Variants in ADAMTS3 observed in about 807,000 individuals in gnomAD.
The protein encoded by ADAMTS3 is A disintegrin and metalloproteinase with thrombospondin motifs 3.
Under a neutral mutation model 129.0 loss-of-function variants are expected in ADAMTS3, and 73 were observed. The observed-to-expected ratio is 0.57, with a 90% CI of 0.47 to 0.69. ADAMTS3 has a LOEUF of 0.69. ADAMTS3 is among the 30% of genes least tolerant of loss of function. The probability of loss-of-function intolerance (pLI) is 0.00; values close to 1 mark genes in which losing one functional copy is unlikely to be tolerated. For missense variants in ADAMTS3, 1,457 were observed against 1,514.5 expected, an observed-to-expected ratio of 0.96 and a Z score of 0.63; for synonymous variants, 477 against 510.8, an observed-to-expected ratio of 0.93 and a Z score of 0.89.
At position 72,311,034 on chromosome 4, in the gene ADAMTS3, C is replaced by T; in HGVS notation, c.2055+14G>A. The T allele has an allele frequency of 6.4e-7, 1 of 1,574,442 alleles. No homozygotes were observed. Among genetic ancestry groups the T allele is most frequent in the Non-Finnish European group, 8.6e-7 (1 of 1,156,212 alleles). ...ATAACGTAGAAAGCCTTTGGGGAAG[C>T]AATTTGAACTTACCACACACTCTCC... On this transcript the variant is annotated intron_variant, in intron 14 of 21. Coordinates refer to ENST00000286657, the MANE Select transcript of ADAMTS3 (RefSeq NM_014243.3).
chr4:72,352,993 T>C (rs947152273), intron 4 of ADAMTS3, among the ~76,000 whole-genome samples: 1 of 152,016 alleles, frequency 6.6e-6, no homozygotes, highest in African/African-American at 2.4e-5. Context: ...TGTACCATGC[T>C]TACTATCTTG....
chr4:72,429,405 G>T (rs918310754), intron 3 of ADAMTS3, among the ~76,000 whole-genome samples: 1 of 151,946 alleles, frequency 6.6e-6, no homozygotes, highest in African/African-American at 2.4e-5. Context: ...GTAGAAAAGC[G>T]ATATCTACCA....
At chr4:72,330,170 C>A (rs562200980) in intron 5 of ADAMTS3, among the ~76,000 whole-genome samples, 1 of 152,034 alleles carries the variant, frequency 6.6e-6, no homozygotes, top group African/African-American at 2.4e-5. Flanking sequence ...AGGTGCACAC[C>A]ACCACACCTG....
In ADAMTS3 at chr4:72,290,262, G is replaced by GTCATGTGT. The variant is rs1245482252; in HGVS notation, c.2931+592_2931+593insACACATGA. Among the ~76,000 whole-genome samples the GTCATGTGT allele has an allele frequency of 9.7e-3, 1,477 of 152,306 alleles. 34 individuals carry two copies. The highest frequency in any genetic ancestry group is 0.034 in the African/African-American group (1,394 of 41,568). ...TCAAGAATCAGAGTTATAATACTCT[G>GTCATGTGT]TCATGAACAGCATGGTAAAGTTAAG... is the stretch of plus-strand genomic sequence containing the variant. On this transcript the variant is annotated intron_variant, in intron 20 of 21. Coordinates refer to ENST00000286657, the MANE Select transcript of ADAMTS3 (RefSeq NM_014243.3).
chr4:72,336,860 C>T (rs1471569608), intron 5 of ADAMTS3, among the ~76,000 whole-genome samples: 2 of 151,788 alleles, frequency 1.3e-5, no homozygotes, highest in African/African-American at 4.8e-5. Flanking sequence ...CCCCGCCCCA[C>T]CCACCAGTGT....
intron 4 of ADAMTS3, among the ~76,000 whole-genome samples, chr4:72,343,363 C>T (rs562390139): frequency 3.6e-4 from 55 of 152,208 alleles, no homozygotes; most frequent in Middle Eastern, 3.4e-3. Context: ...CTATGTCTGC[C>T]GCTCAATTTT....
intron 3 of ADAMTS3, among the ~76,000 whole-genome samples, chr4:72,436,967 G>T (rs1233182957): frequency 6.6e-6 from 1 of 151,892 alleles, no homozygotes; most frequent in Non-Finnish European, 1.5e-5. Flanking sequence ...TAACAAACCT[G>T]CACGTTGTGC....
intron 3 of ADAMTS3, among the ~76,000 whole-genome samples, chr4:72,540,100 T>C (rs567875043): frequency 6.6e-6 from 1 of 152,232 alleles, no homozygotes; most frequent in East Asian, 1.9e-4. Flanking sequence ...GTGAGAATGT[T>C]TGCAACTTCC....
intron 1 of ADAMTS3, 87 bp from the exon 2 acceptor site, chr4:72,567,488 TC>T: frequency 7.3e-7 from 1 of 1,371,236 alleles, no homozygotes; most frequent in Non-Finnish European, 1.0e-6. Flanking sequence ...ATTAATGGTT[TC>T]CAAGAGCTAA....
intron 3 of ADAMTS3, among the ~76,000 whole-genome samples, chr4:72,459,004 C>CA (rs1378149526): frequency 6.6e-6 from 1 of 151,406 alleles, no homozygotes; most frequent in East Asian, 1.9e-4. Flanking sequence ...AAAATGCTAA[C>CA]AAAAAAACAA....
chr4:72,348,408 G>A (rs1275763502), intron 4 of ADAMTS3, among the ~76,000 whole-genome samples: 5 of 152,020 alleles, frequency 3.3e-5, no homozygotes, highest in Non-Finnish European at 5.9e-5. Flanking sequence ...CTTTTTATGA[G>A]CATATTCATA....
At chr4:72,333,039 C>T (rs998855855) in intron 5 of ADAMTS3, among the ~76,000 whole-genome samples, 1 of 152,086 alleles carries the variant, frequency 6.6e-6, no homozygotes, top group Non-Finnish European at 1.5e-5. Flanking sequence ...ACTGTCTGAC[C>T]CTGGGAACAT....
At position 72,283,202 on chromosome 4, in the gene ADAMTS3, G is replaced by A. The variant is rs1437851072; in HGVS notation, c.3552C>T (p.Thr1184=). Residue 1184 remains threonine, a synonymous_variant, in exon 22 of 22, where the codon ACC becomes ACT. Coordinates refer to ENST00000286657, the MANE Select transcript of ADAMTS3 (RefSeq NM_014243.3). ...DSIGASSQAR[T]SKKDGKIIDN... is the part of the protein sequence containing the mutation. ...CAATGATCTTTCCATCTTTCTTTGA[G>A]GTTCTTGCCTGAGAAGAAGCACCTA... 2.5e-6 allele frequency: 4 copies of A among 1,613,836 alleles called. No homozygotes were observed. The highest frequency in any genetic ancestry group is 3.4e-6 in the Non-Finnish European group (4 of 1,179,884).
intron 4 of ADAMTS3, among the ~76,000 whole-genome samples, chr4:72,340,814 TA>T (rs1338901982): frequency 2.4e-4 from 36 of 152,188 alleles, no homozygotes; most frequent in Admixed American, 2.3e-3. Flanking sequence ...TCATTTGGAT[TA>T]AAATTAGAGA....
intron 3 of ADAMTS3, among the ~76,000 whole-genome samples, chr4:72,422,795 G>A (rs1426002753): frequency 6.6e-6 from 1 of 152,084 alleles, no homozygotes. Context: ...GAGCATAAAT[G>A]GCAAATGGGA....
At chr4:72,496,630 A>T (rs1424326988) in intron 3 of ADAMTS3, among the ~76,000 whole-genome samples, 1 of 152,146 alleles carries the variant, frequency 6.6e-6, no homozygotes. Context: ...GCTTAGTGTC[A>T]GAAGCCATCG....
chr4:72,501,595 G>A (rs1182437745), intron 3 of ADAMTS3, among the ~76,000 whole-genome samples: 1 of 151,762 alleles, frequency 6.6e-6, no homozygotes, highest in Non-Finnish European at 1.5e-5. Context: ...CTCCTATTTG[G>A]ATATCTTATT....
chr4:72,513,178 A>G (rs1720362589), intron 3 of ADAMTS3, among the ~76,000 whole-genome samples: 1 of 152,170 alleles, frequency 6.6e-6, no homozygotes, highest in African/African-American at 2.4e-5. Context: ...GACAGTTCAC[A>G]TGCAATGTGT....
chr4:72,516,692 C>A (rs12501408), intron 3 of ADAMTS3, among the ~76,000 whole-genome samples: 2 of 151,390 alleles, frequency 1.3e-5, no homozygotes, highest in East Asian at 1.9e-4. Flanking sequence ...ATTTTGTATC[C>A]TGACACTTTG....
Sources: allele counts gnomAD v4.1 joint callset (sites outside exome capture counted in the v4.1 genomes callset), GRCh38; gene constraint gnomAD v4.1.1; transcripts MANE v1.5; gene names NCBI Gene and HGNC (gene_info 2026-07-23, HGNC 2026-07-21).